Variants in RREB1 observed in about 807,000 individuals in gnomAD.
RREB1 encodes the protein ras responsive element binding protein 1.
In RREB1, 27 loss-of-function variants were observed where a neutral mutation model predicts 117.8. The ratio of observed to expected loss-of-function variants is 0.23; its 90% confidence interval spans 0.17 to 0.32. The LOEUF (loss-of-function observed/expected upper bound fraction) is 0.32. Among genes scored for constraint, RREB1 ranks in the 10% least tolerant of loss-of-function variants. The pLI is 1.00. For missense variants in RREB1, 2,577 were observed against 2,378.2 expected, an observed-to-expected ratio of 1.08 and a Z score of -1.74; for synonymous variants, 1,298 against 1,026.7, an observed-to-expected ratio of 1.26 and a Z score of -5.05.
At chr6:7,143,320 A>G (rs923191791) in intron 1 of RREB1, among the ~76,000 whole-genome samples, 4 of 152,172 alleles carry the variant, frequency 2.6e-5, no homozygotes, top group Non-Finnish European at 5.9e-5. Context: ...CTGGTACCAG[A>G]TGTTTCTTTT....
chr6:7,124,406 G>T (rs1761819344), intron 1 of RREB1, among the ~76,000 whole-genome samples: 3 of 152,146 alleles, frequency 2.0e-5, no homozygotes, highest in Admixed American at 2.0e-4. Context: ...ATTTTGGAAG[G>T]GCTCATTTGG....
intron 11 of RREB1, among the ~76,000 whole-genome samples, chr6:7,242,328 G>A (rs1768758032): frequency 6.6e-6 from 1 of 152,206 alleles, no homozygotes; most frequent in African/African-American, 2.4e-5. Context: ...GTATTTATAA[G>A]TTTGCAGTCA....
chr6:7,179,026 C>T (rs1764650443), intron 2 of RREB1, among the ~76,000 whole-genome samples: 1 of 152,156 alleles, frequency 6.6e-6, no homozygotes, highest in Non-Finnish European at 1.5e-5. Context: ...AAGAATGTAT[C>T]TTTGATAACA....
At chr6:7,173,827 C>T (rs755383481) in intron 1 of RREB1, among the ~76,000 whole-genome samples, 28 of 152,132 alleles carry the variant, frequency 1.8e-4, no homozygotes, top group Non-Finnish European at 3.7e-4. Context: ...AAGAAACCCT[C>T]GGGTTTTTCA....
rs1451274258 is a variant in RREB1, at chr6:7,230,152, G to A, written c.2053G>A (p.Ala685Thr). 29 of 1,606,184 alleles carry A rather than the reference G, an allele frequency of 1.8e-5. No homozygotes were observed. Among genetic ancestry groups the A allele is most frequent in the Non-Finnish European group, 2.4e-5 (28 of 1,179,182 alleles). ...CGACTACATCGCCGCCGACAAGGCCGCGCTCATCCGCCACCTGCGCACGCA... is the reference window on the plus strand; with the variant it reads ...CGACTACATCGCCGCCGACAAGGCCACGCTCATCCGCCACCTGCGCACGCA... Reference protein sequence around the residue: ...ICDYIAADKAALIRHLRTHSG... With the variant: ...ICDYIAADKATLIRHLRTHSG... The change falls in exon 10 of 13, where the codon GCG becomes ACG. Residue 685 changes from alanine (A) to threonine (T), a missense_variant. By Grantham distance (58) the Ala-to-Thr change is moderately conservative. Coordinates refer to ENST00000379938, the MANE Select transcript of RREB1 (RefSeq NM_001003699.4).
At chr6:7,118,687 A>G (rs1266606590) in intron 1 of RREB1, among the ~76,000 whole-genome samples, 1 of 152,158 alleles carries the variant, frequency 6.6e-6, no homozygotes, top group Admixed American at 6.5e-5. Flanking sequence ...CAAAAGCTTA[A>G]TAAGGCTTCA....
intron 1 of RREB1, among the ~76,000 whole-genome samples, chr6:7,125,799 G>A (rs115133376): frequency 3.9e-5 from 6 of 152,030 alleles, no homozygotes; most frequent in Non-Finnish European, 5.9e-5. Flanking sequence ...AGGAAGAGCC[G>A]TGTGGACTGG....
chr6:7,115,431 C>G (rs954908214), intron 1 of RREB1, among the ~76,000 whole-genome samples: 7 of 134,934 alleles, frequency 5.2e-5, no homozygotes, highest in Non-Finnish European at 1.1e-4. Flanking sequence ...AGACAGAGAT[C>G]GAATTCCAGA....
chr6:7,153,136 ATTT>A (rs1763197049), intron 1 of RREB1, among the ~76,000 whole-genome samples: 2 of 128,696 alleles, frequency 1.6e-5, no homozygotes, highest in South Asian at 4.8e-4. Context: ...TGAGGAAAAT[ATTT>A]TTAATGTTTC....
chr6:7,125,751 T>TGG (rs1372160642), intron 1 of RREB1, among the ~76,000 whole-genome samples: 4 of 152,082 alleles, frequency 2.6e-5, no homozygotes, highest in Admixed American at 6.5e-5. Flanking sequence ...TGATAGCCTC[T>TGG]GGGAGGTGTT....
intron 1 of RREB1, among the ~76,000 whole-genome samples, chr6:7,138,016 G>C (rs1762417625): frequency 6.6e-6 from 1 of 152,080 alleles, no homozygotes; most frequent in South Asian, 2.1e-4. Context: ...AATGTTAACT[G>C]ATTTACTATC....
At chr6:7,218,798 C>T (rs549855195) in intron 8 of RREB1, 2 of 147,390 alleles carry the variant, frequency 1.4e-5, no homozygotes, top group East Asian at 4.0e-4. Flanking sequence ...GCATTTCTAT[C>T]CCAGCTCAGA....
At chr6:7,187,296 A>G in intron 4 of RREB1, 138 bp from the exon 5 acceptor site, 2 of 460,256 alleles carry the variant, frequency 4.3e-6, no homozygotes, top group South Asian at 5.3e-5. Flanking sequence ...GACTTGCACA[A>G]GCTTATACCT....
intron 10 of RREB1, among the ~76,000 whole-genome samples, chr6:7,233,782 C>G (rs769334124): frequency 6.6e-6 from 1 of 152,066 alleles, no homozygotes; most frequent in African/African-American, 2.4e-5. Context: ...TTTGGAGAAG[C>G]TCGTGGAAGG....
intron 6 of RREB1, among the ~76,000 whole-genome samples, chr6:7,206,768 G>A (rs1172232930): frequency 2.0e-5 from 3 of 152,186 alleles, no homozygotes; most frequent in Non-Finnish European, 4.4e-5. Flanking sequence ...AAACCTGGAC[G>A]GCAGGAGCCA....
chr6:7,246,295 C>T lies in RREB1; in HGVS notation c.3974-129C>T, dbSNP rs146153665. 2.3e-3 allele frequency: 1,746 copies of T among 759,596 alleles called. 10 individuals carry two copies. The highest frequency in any genetic ancestry group is 7.4e-3 in the Admixed American group (212 of 28,736). 47.1% of individuals were successfully genotyped at this position (759,596 alleles called of 1,614,324 possible). On this transcript the variant is annotated intron_variant, in intron 11 of 12. Transcript: ENST00000379938. ...TGTAACAGGTGGTGAGGATTTGGGC[C>T]GAAAGAAGTCCTCACTGGTTTGGGG...
At chr6:7,161,544 C>T (rs1763664079) in intron 1 of RREB1, among the ~76,000 whole-genome samples, 1 of 152,202 alleles carries the variant, frequency 6.6e-6, no homozygotes, top group Non-Finnish European at 1.5e-5. Context: ...TGTTATGTTT[C>T]ACTGTGTTTC....
At chr6:7,188,226 C>CATGTGTGT (rs1554122397) in intron 5 of RREB1, among the ~76,000 whole-genome samples, 2 of 149,302 alleles carry the variant, frequency 1.3e-5, no homozygotes, top group Non-Finnish European at 3.0e-5. Flanking sequence ...CCCCCCCACA[C>CATGTGTGT]GTGTGTGTGT....
intron 1 of RREB1, among the ~76,000 whole-genome samples, chr6:7,152,625 T>C (rs1171949027): frequency 1.3e-5 from 2 of 152,124 alleles, no homozygotes; most frequent in African/African-American, 4.8e-5. Context: ...CCTAAAGAGA[T>C]GGAATGTGAC....
Sources: gnomAD v4.1 joint callset for allele counts (sites outside exome capture counted in the v4.1 genomes callset) on GRCh38, gnomAD v4.1.1 for gene constraint, MANE v1.5 for transcripts, NCBI Gene and HGNC (gene_info 2026-07-23, HGNC 2026-07-21) for gene names.